Variants in BCAS2 observed in about 807,000 individuals in gnomAD.
BCAS2 encodes the protein BCAS2 pre-mRNA processing factor.
A neutral mutation model predicts 35.3 loss-of-function variants in BCAS2; 34 were observed. The observed-to-expected ratio is 0.96, with a 90% CI of 0.73 to 1.28. The LOEUF is 1.28. BCAS2 is among the 50% of genes most tolerant of loss of function. The pLI is 0.00. For synonymous variants in BCAS2, 75 were observed against 91.6 expected (o/e 0.82, Z 1.03); for missense variants, 221 against 268.1 (o/e 0.82, Z 1.23).
At chr1:114,576,606 C>A in intron 3 of BCAS2, 82 bp downstream of exon 3, 1 of 1,191,614 alleles carries the variant, frequency 8.4e-7, no homozygotes, top group Non-Finnish European at 1.2e-6. Context: ...CAATATTAGC[C>A]AGCAAATACA....
intron 4 of BCAS2, 135 bp downstream of exon 4, chr1:114,575,454 CA>C: frequency 2.4e-6 from 2 of 847,062 alleles, no homozygotes; most frequent in Non-Finnish European, 3.4e-6. Context: ...CTCTGCCTCC[CA>C]AAGGGCTGGG....
intron 6 of BCAS2, among the ~76,000 whole-genome samples, chr1:114,569,075 T>C (rs1274175615): frequency 6.6e-6 from 1 of 152,138 alleles, no homozygotes; most frequent in Non-Finnish European, 1.5e-5. Context: ...TCTGTATTAT[T>C]TCTTACAATT....
chr1:114,568,308 TAGA>T lies in BCAS2; in HGVS notation c.552-55_552-53del, dbSNP rs751647917. The T allele has an allele frequency of 3.2e-6, 5 of 1,563,852 alleles. No individual in the cohort carries two copies. In the African/African-American group the frequency reaches 5.5e-5, roughly 17 times the overall value. On this transcript the variant is annotated intron_variant, in intron 6 of 6. Coordinates refer to ENST00000369541, the MANE Select transcript of BCAS2 (RefSeq NM_005872.3). ...AAATTACTCAATGTAAAACTTCTCT[TAGA>T]AGATTTTATTTTAAATGTATACACA...
chr1:114,577,689 A>G (rs1300914845), intron 2 of BCAS2, among the ~76,000 whole-genome samples: 3 of 152,192 alleles, frequency 2.0e-5, no homozygotes, highest in African/African-American at 7.2e-5. Context: ...AAGTAAATGT[A>G]GTATAGCTGT....
chr1:114,574,315 C>T (rs1474164315), intron 4 of BCAS2, among the ~76,000 whole-genome samples: 2 of 152,200 alleles, frequency 1.3e-5, no homozygotes, highest in Non-Finnish European at 2.9e-5. Context: ...GGTGCTTTGC[C>T]TTCTTGTTTT....
intron 4 of BCAS2, among the ~76,000 whole-genome samples, chr1:114,572,212 G>A (rs1172256529): frequency 6.6e-6 from 1 of 152,114 alleles, no homozygotes; most frequent in African/African-American, 2.4e-5. Flanking sequence ...TGGTTTCCTT[G>A]CATTAGCTGC....
At position 114,568,136 on chromosome 1, in the gene BCAS2, G is replaced by T. The variant is rs752469805; in HGVS notation, c.672C>A (p.Asp224Glu). The part of the protein sequence containing the change: ...GEANKENIRQ[D>E]F Reference sequence around the variant, plus strand: ...TACCTGCTAAATTGTCTTTTCAGAAGTCTTGCCGGATGTTTTCTTTGTTTG... The same window carrying T: ...TACCTGCTAAATTGTCTTTTCAGAATTCTTGCCGGATGTTTTCTTTGTTTG... The change falls in exon 7 of 7, where the codon GAC (aspartate) becomes GAA (glutamate). Residue 224 changes from aspartate (D) to glutamate (E), a missense_variant. Coordinates refer to ENST00000369541, the MANE Select transcript of BCAS2 (RefSeq NM_005872.3). 1.2e-6 allele frequency: 2 copies of T among 1,612,294 alleles called. No homozygotes were observed. Among genetic ancestry groups the T allele is most frequent in the Non-Finnish European group, 1.7e-6 (2 of 1,179,936 alleles).
At chr1:114,570,130 G>C (rs1040341948) in intron 5 of BCAS2, 58 bp from the exon 6 acceptor site, 2 of 1,203,540 alleles carry the variant, frequency 1.7e-6, no homozygotes, top group African/African-American at 1.5e-5. Flanking sequence ...TAAATCAACA[G>C]AAAACTCTAT....
chr1:114,573,100 T>C (rs1453466900), intron 4 of BCAS2, among the ~76,000 whole-genome samples: 1 of 20,022 alleles, frequency 5.0e-5, no homozygotes, highest in Admixed American at 9.7e-4. Flanking sequence ...CAAGATTCTG[T>C]CCCGCCCCCC....
intron 3 of BCAS2, among the ~76,000 whole-genome samples, chr1:114,576,275 T>TC (rs1327478492): frequency 6.7e-6 from 1 of 149,884 alleles, no homozygotes; most frequent in Non-Finnish European, 1.5e-5. Context: ...AGTTTTTTTT[T>TC]CAAGACTGGG....
chr1:114,568,514 C>T (rs758625032), intron 6 of BCAS2, among the ~76,000 whole-genome samples: 2 of 151,900 alleles, frequency 1.3e-5, no homozygotes, highest in African/African-American at 2.4e-5. Context: ...TACAGGCACA[C>T]GCCACCACAG....
Position 114,581,568 on chromosome 1 carries a change from AG to A in BCAS2, c.23del (p.Ala8ValfsTer43). On this transcript the variant is annotated frameshift_variant, in exon 1 of 7. Transcript: ENST00000369541. LOFTEE classifies it high-confidence loss of function. ...GCAGCGCATCCACCACAACCTCTCC[AG>A]CCACCAAACCTGTGCCCGCCATTCT... MAGTGLV[A>X]GEVVVDALPY... 6.2e-7 allele frequency: 1 copy of A among 1,612,816 alleles called. No individual in the cohort carries two copies. The highest frequency in any genetic ancestry group is 8.5e-7 in the Non-Finnish European group (1 of 1,179,828).
chr1:114,573,450 C>A (rs1186317186), intron 4 of BCAS2, among the ~76,000 whole-genome samples: 2 of 151,936 alleles, frequency 1.3e-5, no homozygotes, highest in African/African-American at 4.8e-5. Context: ...CCAGGCTGGT[C>A]TCAAACTCTT....
chr1:114,573,122 C>CAAAAAAAA (rs34796829), intron 4 of BCAS2, among the ~76,000 whole-genome samples: 1 of 6,366 alleles, frequency 1.6e-4, no homozygotes, highest in African/African-American at 6.1e-4. Flanking sequence ...CCCCCACCTC[C>CAAAAAAAA]AAAAAAAAAA....
In BCAS2 at chr1:114,575,870, G is replaced by A. The variant is rs1338667504; in HGVS notation, c.258-119C>T. 1.3e-5 allele frequency: 14 copies of A among 1,111,022 alleles called. No homozygotes were observed. The South Asian group carries it at 2.0e-4, about 16-fold the overall frequency. 68.8% of individuals were successfully genotyped at this position (1,111,022 alleles called of 1,614,324 possible). On this transcript the variant is annotated intron_variant, in intron 3 of 6. Coordinates refer to ENST00000369541, the MANE Select transcript of BCAS2 (RefSeq NM_005872.3). ...ATAAAAACTACAGAAGACTAAGGAT[G>A]TAAACCTTGCAATAATAAGAAACCG...
At chr1:114,578,222 A>G (rs1476346494) in intron 2 of BCAS2, among the ~76,000 whole-genome samples, 2 of 152,070 alleles carry the variant, frequency 1.3e-5, no homozygotes, top group Admixed American at 1.3e-4. Flanking sequence ...AAAAAACAAA[A>G]AACAAAAAAC....
intron 2 of BCAS2, among the ~76,000 whole-genome samples, 189 bp from the exon 3 acceptor site, chr1:114,576,947 A>G (rs540301336): frequency 6.6e-6 from 1 of 152,142 alleles, no homozygotes; most frequent in African/African-American, 2.4e-5. Context: ...CTCACTTCAC[A>G]TTCAGGAAAA....
intron 3 of BCAS2, among the ~76,000 whole-genome samples, chr1:114,576,122 C>A (rs1311496650): frequency 6.6e-6 from 1 of 151,990 alleles, no homozygotes; most frequent in African/African-American, 2.4e-5. Context: ...CACACCCACC[C>A]ATCCACTAAC....
At chr1:114,569,461 G>A (rs2101625759) in intron 6 of BCAS2, among the ~76,000 whole-genome samples, 1 of 151,524 alleles carries the variant, frequency 6.6e-6, no homozygotes, top group South Asian at 2.1e-4. Flanking sequence ...AAATTACCAA[G>A]TATGAAATCT....
Sources: gnomAD v4.1 joint callset for allele counts (sites outside exome capture counted in the v4.1 genomes callset) on GRCh38, gnomAD v4.1.1 for gene constraint, MANE v1.5 for transcripts, NCBI Gene and HGNC (gene_info 2026-07-23, HGNC 2026-07-21) for gene names.